The following PDE3A variants were observed in gnomAD, a reference collection of about 807,000 sequenced individuals.
PDE3A encodes the protein cGMP-inhibited 3',5'-cyclic phosphodiesterase 3A.
PDE3A carries 43 observed loss-of-function variants against 98.3 expected under a neutral mutation model. The ratio of observed to expected loss-of-function variants is 0.44; its 90% CI spans 0.34 to 0.56. PDE3A has a LOEUF of 0.56. Ranked by LOEUF, PDE3A falls within the 20% of genes least tolerant of loss-of-function variation. The pLI, the probability that PDE3A is intolerant of heterozygous loss-of-function variation, is 0.01. For synonymous variants in PDE3A, 663 were observed against 567.9 expected (o/e 1.17, Z -2.38); for missense variants, 1,427 against 1,440.7 (o/e 0.99, Z 0.15).
chr12:20,369,804 G>A lies in PDE3A; in HGVS notation c.520G>A (p.Val174Ile), dbSNP rs753699193. ...CGCCTGCTGCGGGGGGGAAGCGCTC[G>A]TCCAGATTGGGCTGGGCGTCGGGGA... Reference protein sequence around the residue: ...LAACCGGEALVQIGLGVGEDH... With the variant: ...LAACCGGEALIQIGLGVGEDH... The change falls in exon 1 of 16, where the codon GTC (valine) becomes ATC (isoleucine). Residue 174 changes from valine to isoleucine, a missense_variant. Physicochemically the swap from Val to Ile is conservative, Grantham distance 29. Around this residue, in one of 3 missense-constraint regions of PDE3A, gnomAD observed 1,012 missense variants for 886.5 expected, o/e 1.14. Transcript: ENST00000359062. The A allele has an allele frequency of 6.2e-7, 1 of 1,612,264 alleles. No homozygotes were observed. Among genetic ancestry groups the A allele is most frequent in the Non-Finnish European group, 8.5e-7 (1 of 1,179,680 alleles).
intron 5 of PDE3A, 136 bp downstream of exon 5, chr12:20,621,547 G>T: frequency 3.6e-6 from 2 of 563,324 alleles, no homozygotes; most frequent in Non-Finnish European, 3.2e-6. Flanking sequence ...TAACCAATTA[G>T]TTATTTTTTA....
intron 10 of PDE3A, among the ~76,000 whole-genome samples, chr12:20,646,001 G>A (rs1944767500): frequency 6.6e-6 from 1 of 152,078 alleles, no homozygotes; most frequent in Admixed American, 6.5e-5. Context: ...ATATGTTATT[G>A]CAGTGCTTTA....
intron 1 of PDE3A, among the ~76,000 whole-genome samples, chr12:20,390,468 A>C (rs1343549294): frequency 6.6e-6 from 1 of 151,038 alleles, no homozygotes; most frequent in Admixed American, 6.6e-5. Context: ...AAAAAAAAAA[A>C]AAAAACTGCA....
intron 1 of PDE3A, among the ~76,000 whole-genome samples, chr12:20,518,669 TC>T (rs558389408): frequency 4.3e-4 from 65 of 152,284 alleles, no homozygotes; most frequent in Non-Finnish European, 7.9e-4. Flanking sequence ...CATCTTTTTT[TC>T]CCCCTTTTGC....
chr12:20,565,551 T>C (rs1442851638), intron 2 of PDE3A, among the ~76,000 whole-genome samples: 1 of 151,830 alleles, frequency 6.6e-6, no homozygotes, highest in African/African-American at 2.4e-5. Flanking sequence ...TAATCAGATA[T>C]AGAGGTAGGT....
At chr12:20,452,772 A>T (rs1302074546) in intron 1 of PDE3A, among the ~76,000 whole-genome samples, 5 of 152,188 alleles carry the variant, frequency 3.3e-5, no homozygotes, top group Non-Finnish European at 7.3e-5. Context: ...TTAATGATAG[A>T]CATCAGCTAT....
At chr12:20,643,972 A>G (rs978574182) in intron 10 of PDE3A, among the ~76,000 whole-genome samples, 3 of 152,122 alleles carry the variant, frequency 2.0e-5, no homozygotes, top group Non-Finnish European at 2.9e-5. Context: ...CCTTACCCCA[A>G]ACAGGCTCTG....
At chr12:20,520,040 G>A (rs953470778) in intron 1 of PDE3A, among the ~76,000 whole-genome samples, 1 of 152,144 alleles carries the variant, frequency 6.6e-6, no homozygotes, top group Non-Finnish European at 1.5e-5. Flanking sequence ...TATTCAGTGA[G>A]GGTACTAAGC....
intron 1 of PDE3A, among the ~76,000 whole-genome samples, chr12:20,372,051 A>G (rs930838339): frequency 2.0e-5 from 3 of 152,190 alleles, no homozygotes; most frequent in Non-Finnish European, 2.9e-5. Flanking sequence ...TAACATTTAT[A>G]AGTTAAGAAA....
chr12:20,521,488 G>T (rs1946426329), intron 1 of PDE3A, among the ~76,000 whole-genome samples: 1 of 152,054 alleles, frequency 6.6e-6, no homozygotes, highest in Non-Finnish European at 1.5e-5. Flanking sequence ...TTATCAGTGT[G>T]TTTCATAGTG....
rs560382187 is a variant in PDE3A, at chr12:20,685,454, G to A, written c.*5183G>A. On this transcript the variant is annotated 3_prime_UTR_variant, in exon 16 of 16. Transcript: ENST00000359062. Reference sequence around the variant, plus strand: ...AAAAGAACATTTTTTGGCAAAATATGAAGACACGAAACTGAAGATAAAGGC... The same window carrying A: ...AAAAGAACATTTTTTGGCAAAATATAAAGACACGAAACTGAAGATAAAGGC... Among the ~76,000 whole-genome samples the A allele has an allele frequency of 1.2e-3, 165 of 137,788 alleles. No individual in the cohort carries two copies. Among genetic ancestry groups the A allele is most frequent in the Non-Finnish European group, 2.2e-3 (142 of 64,108 alleles). 90.4% of individuals were successfully genotyped at this position (137,788 alleles called of 152,430 possible). A position where few individuals can be genotyped will look rare whatever the true frequency, so the allele number is the denominator to read the frequency against.
At position 20,684,972 on chromosome 12, in the gene PDE3A, C is replaced by T. The variant is rs1183389854; in HGVS notation, c.*4701C>T. Among the ~76,000 whole-genome samples, 1 of 152,182 alleles carries T rather than the reference C, an allele frequency of 6.6e-6. No individual in the cohort carries two copies. Among genetic ancestry groups the T allele is most frequent in the Non-Finnish European group, 1.5e-5 (1 of 68,042 alleles). On this transcript the variant is annotated 3_prime_UTR_variant, in exon 16 of 16. Transcript: ENST00000359062. Reference sequence around the variant, plus strand: ...TATGTTATGCACCATGGATGTTAGGCAATGTGTGCTATTGCCAACACATGG... The same window carrying T: ...TATGTTATGCACCATGGATGTTAGGTAATGTGTGCTATTGCCAACACATGG...
chr12:20,484,795 C>T (rs1466038545), intron 1 of PDE3A, among the ~76,000 whole-genome samples: 4 of 151,982 alleles, frequency 2.6e-5, no homozygotes, highest in East Asian at 1.9e-4. Context: ...TGGTCATTGA[C>T]GTACGGATGA....
At chr12:20,462,680 T>A (rs1383123325) in intron 1 of PDE3A, among the ~76,000 whole-genome samples, 2 of 152,232 alleles carry the variant, frequency 1.3e-5, no homozygotes, top group African/African-American at 4.8e-5. Flanking sequence ...TGTCTGAAGT[T>A]TTTTTATTCT....
At chr12:20,428,339 G>A (rs1944636051) in intron 1 of PDE3A, among the ~76,000 whole-genome samples, 1 of 152,120 alleles carries the variant, frequency 6.6e-6, no homozygotes, top group African/African-American at 2.4e-5. Context: ...GAGTGCAGAG[G>A]TGCGATCTCC....
At chr12:20,669,034 G>A (rs878907940) in intron 15 of PDE3A, among the ~76,000 whole-genome samples, 3,198 of 151,388 alleles carry the variant, frequency 0.021, 104 homozygotes, top group African/African-American at 0.073. Context: ...ACCAAGGCTC[G>A]AGAACTACGT....
At chr12:20,483,868 A>G (rs1945675405) in intron 1 of PDE3A, among the ~76,000 whole-genome samples, 1 of 152,172 alleles carries the variant, frequency 6.6e-6, no homozygotes, top group Non-Finnish European at 1.5e-5. Flanking sequence ...AGATGTATAG[A>G]CATTTAAAAT....
At chr12:20,396,872 T>C (rs1944029742) in intron 1 of PDE3A, among the ~76,000 whole-genome samples, 1 of 152,056 alleles carries the variant, frequency 6.6e-6, no homozygotes, top group Non-Finnish European at 1.5e-5. Flanking sequence ...TTCTGCTTGC[T>C]GTATTTTAAG....
intron 1 of PDE3A, among the ~76,000 whole-genome samples, chr12:20,434,610 A>G (rs1469932305): frequency 1.3e-5 from 2 of 152,162 alleles, no homozygotes; most frequent in African/African-American, 4.8e-5. Context: ...GCAGATACAT[A>G]TAAAATCATA....
Sources: allele counts gnomAD v4.1 joint callset (sites outside exome capture counted in the v4.1 genomes callset), GRCh38; gene constraint gnomAD v4.1.1; regional missense constraint gnomAD v4.1.1; transcripts MANE v1.5; gene names NCBI Gene and HGNC (gene_info 2026-07-23, HGNC 2026-07-21).